The following WDR25 variants were observed in gnomAD, a reference collection of about 807,000 sequenced individuals.
WDR25 encodes the protein WD repeat domain 25.
A neutral mutation model predicts 47.7 loss-of-function variants in WDR25; 35 were observed. The observed-to-expected ratio is 0.73, with a 90% CI of 0.56 to 0.97. WDR25 has a LOEUF of 0.97. WDR25 is among the 50% of genes least tolerant of loss of function. The pLI is 0.00. For missense variants in WDR25, 634 were observed against 704.7 expected (o/e 0.90, Z 1.14); for synonymous variants, 248 against 278.9 (o/e 0.89, Z 1.10).
chr14:100,405,172 T>TG (rs1566893582), intron 2 of WDR25, among the ~76,000 whole-genome samples: 1 of 150,866 alleles, frequency 6.6e-6, no homozygotes, highest in African/African-American at 2.5e-5. Flanking sequence ...CCCCATCTTT[T>TG]TTTTTTGAGA....
chr14:100,527,338 G>A (rs1007165742), intron 5 of WDR25, among the ~76,000 whole-genome samples: 7 of 151,754 alleles, frequency 4.6e-5, no homozygotes, highest in East Asian at 1.9e-4. Context: ...CACTGCTACC[G>A]TCATCATTGT....
At chr14:100,435,892 C>T (rs1384429526) in intron 2 of WDR25, among the ~76,000 whole-genome samples, 29 of 152,118 alleles carry the variant, frequency 1.9e-4, no homozygotes, top group Admixed American at 1.6e-3. Context: ...AGAAGAGTGA[C>T]GCCTAAGTGT....
chr14:100,397,674 C>T (rs1480181002), intron 2 of WDR25, among the ~76,000 whole-genome samples: 1 of 152,106 alleles, frequency 6.6e-6, no homozygotes, highest in East Asian at 1.9e-4. Context: ...GGATGGGTAG[C>T]CATTGCTCAG....
intron 4 of WDR25, among the ~76,000 whole-genome samples, chr14:100,484,693 A>G (rs1324881183): frequency 1.3e-5 from 2 of 151,996 alleles, no homozygotes; most frequent in African/African-American, 4.8e-5. Context: ...CTAGTTGTTC[A>G]GGCCAAAAAC....
chr14:100,433,118 C>G (rs193164911), intron 2 of WDR25, among the ~76,000 whole-genome samples: 23 of 152,186 alleles, frequency 1.5e-4, no homozygotes, highest in African/African-American at 5.3e-4. Flanking sequence ...ACTGTACATA[C>G]CTTATTGATA....
chr14:100,485,473 A>G (rs1259768215), intron 4 of WDR25, among the ~76,000 whole-genome samples: 1 of 152,260 alleles, frequency 6.6e-6, no homozygotes, highest in African/African-American at 2.4e-5. Context: ...AGTAAATGCC[A>G]GAGGAAGGCA....
chr14:100,509,103 G>C (rs1171405492), intron 4 of WDR25, among the ~76,000 whole-genome samples: 1 of 152,128 alleles, frequency 6.6e-6, no homozygotes, highest in Admixed American at 6.5e-5. Flanking sequence ...AGTGAACTGA[G>C]AAATGTTCTC....
At chr14:100,433,903 G>C (rs1898417316) in intron 2 of WDR25, among the ~76,000 whole-genome samples, 1 of 152,074 alleles carries the variant, frequency 6.6e-6, no homozygotes, top group Non-Finnish European at 1.5e-5. Context: ...AGGAGCTCTG[G>C]TTCCTTTTAG....
intron 2 of WDR25, among the ~76,000 whole-genome samples, chr14:100,446,177 G>A (rs766491747): frequency 1.3e-5 from 2 of 152,198 alleles, no homozygotes; most frequent in African/African-American, 4.8e-5. Context: ...GGCTTTGTGA[G>A]CTCCTGCCCC....
At chr14:100,466,432 A>G (rs1899631244) in intron 2 of WDR25, among the ~76,000 whole-genome samples, 1 of 152,204 alleles carries the variant, frequency 6.6e-6, no homozygotes, top group Non-Finnish European at 1.5e-5. Context: ...TCAGGTTGGT[A>G]GAAGTGCATG....
chr14:100,410,248 C>T (rs997439582), intron 2 of WDR25, among the ~76,000 whole-genome samples: 9 of 152,172 alleles, frequency 5.9e-5, no homozygotes, highest in Non-Finnish European at 1.2e-4. Context: ...AACTGGCTTC[C>T]TGAGGTTTTT....
intron 3 of WDR25, among the ~76,000 whole-genome samples, chr14:100,474,859 C>T (rs1226385889): frequency 1.3e-5 from 2 of 152,088 alleles, no homozygotes; most frequent in Non-Finnish European, 2.9e-5. Flanking sequence ...AGAGACAGCC[C>T]GTGGATTGGA....
rs11622306 is a variant in WDR25, at chr14:100,506,225, T to G, written c.1102-19645T>G. On this transcript the variant is annotated intron_variant, in intron 4 of 6. Transcript: ENST00000402312. This position sits in a 1 kb window ranked among gnomAD's most constrained non-coding sequence, Gnocchi z 4.8. ...AAAATGGTCTCCAACTTCATCCGTG[T>G]TGCTGCAAAGGACATGATTTCATCC... is the stretch of plus-strand genomic sequence containing the variant. Among the ~76,000 whole-genome samples the G allele has an allele frequency of 0.42, 64,540 of 152,086 alleles. 14,111 individuals are homozygous for G. Among genetic ancestry groups the G allele is most frequent in the East Asian group, 0.64 (3,310 of 5,176 alleles).
At position 100,529,274 on chromosome 14, in the gene WDR25, A is replaced by T. The variant is rs1366615851; in HGVS notation, c.1413+66A>T. On this transcript the variant is annotated intron_variant, in intron 6 of 6. Transcript: ENST00000402312. This position sits in a 1 kb window ranked among gnomAD's most constrained non-coding sequence, Gnocchi z 5.1. Reference sequence around the variant, plus strand: ...GCCCCAAGCCTCCTGGCAGTCCTGGACATGGGCCCTGGGGTGCATGGAGCC... The same window carrying T: ...GCCCCAAGCCTCCTGGCAGTCCTGGTCATGGGCCCTGGGGTGCATGGAGCC... 1.2e-6 allele frequency: 2 copies of T among 1,603,822 alleles called. No homozygotes were observed. The highest frequency in any genetic ancestry group is 1.7e-6 in the Non-Finnish European group (2 of 1,176,080).
intron 4 of WDR25, among the ~76,000 whole-genome samples, chr14:100,519,163 T>C (rs966116741): frequency 1.3e-5 from 2 of 152,068 alleles, no homozygotes; most frequent in African/African-American, 4.8e-5. Context: ...TTGACTTCCT[T>C]TCCCAACCCA....
In WDR25 at chr14:100,525,419, G is replaced by T. The variant is rs1320927318; in HGVS notation, c.1102-451G>T. ...TTATGGTCTGTCCCCAAGCACACTT[G>T]CTCCTGCATTACTGTGGCTCCTCTG... On this transcript the variant is annotated intron_variant, in intron 4 of 6. Transcript: ENST00000402312. The surrounding 1 kb of genome is among the most constrained non-coding windows in gnomAD (Gnocchi z 4.6). Among the ~76,000 whole-genome samples the T allele has an allele frequency of 6.6e-6, 1 of 152,190 alleles. No individual in the cohort carries two copies. Among genetic ancestry groups the T allele is most frequent in the African/African-American group, 2.4e-5 (1 of 41,426 alleles).
chr14:100,469,270 G>T (rs1372276488), intron 3 of WDR25, among the ~76,000 whole-genome samples: 2 of 152,242 alleles, frequency 1.3e-5, no homozygotes, highest in African/African-American at 4.8e-5. Context: ...GGAAAATGGA[G>T]AAGGTGGTTT....
chr14:100,380,090 C>T (rs1319017375), intron 1 of WDR25, among the ~76,000 whole-genome samples: 1 of 151,422 alleles, frequency 6.6e-6, no homozygotes, highest in African/African-American at 2.4e-5. Context: ...CTCTGGCACC[C>T]AGGCTGGAGT....
Position 100,381,232 on chromosome 14 carries a change from C to T in WDR25, c.308C>T (p.Pro103Leu). 1.2e-6 allele frequency: 2 copies of T among 1,613,870 alleles called. No homozygotes were observed. The highest frequency in any genetic ancestry group is 2.2e-5 in the South Asian group (2 of 91,056). Residue 103 changes from proline (P) to leucine (L), a missense_variant, in exon 2 of 7, where the codon CCT (proline) becomes CTT (leucine). Coordinates refer to ENST00000402312, the MANE Select transcript of WDR25 (RefSeq NM_001161476.3). Reference sequence around the variant, plus strand: ...AGGCTACAGTGGCCCGGGAAGGAGCCTCAAGTCACCTTCCCCATCAAAGAG... The same window carrying T: ...AGGCTACAGTGGCCCGGGAAGGAGCTTCAAGTCACCTTCCCCATCAAAGAG... ...SQRLQWPGKE[P>L]QVTFPIKEPS...
Sources: gnomAD v4.1 joint callset for allele counts (sites outside exome capture counted in the v4.1 genomes callset) on GRCh38, gnomAD v4.1.1 for gene constraint, Gnocchi (gnomAD v3.1) non-coding constraint, MANE v1.5 for transcripts, NCBI Gene and HGNC (gene_info 2026-07-23, HGNC 2026-07-21) for gene names.